CFAP99: variants seen among roughly 807,000 people sequenced by gnomAD.
The protein encoded by CFAP99 is cilia- and flagella-associated protein 99.
A neutral mutation model predicts 82.7 loss-of-function variants in CFAP99; 84 were observed. The observed-to-expected ratio is 1.02, with a 90% CI of 0.85 to 1.22. The LOEUF is 1.22. Among genes scored for constraint, CFAP99 ranks in the 50% most tolerant of loss-of-function variants. The pLI, the probability that CFAP99 is intolerant of heterozygous loss-of-function variation, is 0.00. For missense variants in CFAP99, 1,059 were observed against 983.5 expected (o/e 1.08, Z -1.03); for synonymous variants, 456 against 429.5 (o/e 1.06, Z -0.76).
chr4:2,442,936 C>T (rs1734079754), intron 4 of CFAP99, among the ~76,000 whole-genome samples, 194 bp from the exon 5 acceptor site: 1 of 68,448 alleles, frequency 1.5e-5, no homozygotes, highest in African/African-American at 6.0e-5. Flanking sequence ...TGCTGGGGGC[C>T]TTGGGGGGAG....
chr4:2,436,832 C>T, intron 2 of CFAP99, 42 bp from the exon 3 acceptor site: 1 of 1,523,334 alleles, frequency 6.6e-7, no homozygotes, highest in Non-Finnish European at 8.8e-7. Context: ...GCCCTTTCCT[C>T]CCGGCCCAGC....
chr4:2,432,241 AACAGTATAAGG>A (rs1160977443), intron 2 of CFAP99, among the ~76,000 whole-genome samples: 1 of 152,204 alleles, frequency 6.6e-6, no homozygotes, highest in Non-Finnish European at 1.5e-5. Flanking sequence ...GAGAAAGGCA[AACAGTATAAGG>A]CATGTGCCAG....
rs1361279753 is a variant in CFAP99 at position 2,462,589 on chromosome 4, C to G, written c.1808C>G (p.Ala603Gly). The G allele has an allele frequency of 7.0e-7, 1 of 1,426,178 alleles. No homozygotes were observed. The highest frequency in any genetic ancestry group is 1.5e-5 in the African/African-American group (1 of 66,992). 88.3% of individuals were successfully genotyped at this position (1,426,178 alleles called of 1,614,324 possible). The change falls in exon 15 of 15, where the codon GCG becomes GGG. Residue 603 changes from alanine to glycine, a missense_variant. By Grantham distance (60) the Ala-to-Gly change is moderately conservative. Coordinates refer to ENST00000635017, the Ensembl canonical transcript of CFAP99. The surrounding 1 kb of genome is among the most constrained non-coding windows in gnomAD (Gnocchi z 4.1). ...CTGCACGTGTCGGCGCCGCGGACCG[C>G]GCGCCCCAAGCCCCGGGTGAGTCCG...
chr4:2,422,560 A>C (rs1052258613), intron 1 of CFAP99, among the ~76,000 whole-genome samples: 8 of 152,064 alleles, frequency 5.3e-5, no homozygotes, highest in African/African-American at 1.9e-4. Flanking sequence ...ACGGCAGGGA[A>C]ACTGTTCCAC....
In CFAP99 at chr4:2,462,515, G is replaced by A. The variant is rs1734645738; in HGVS notation, c.1734G>A (p.Arg578=). ...AGGACGAGCGCGTGCAGCAGCTGCGGCGCAGGATCTCGGAGAGGGCGGCCG... is the reference window on the plus strand; with the variant it reads ...AGGACGAGCGCGTGCAGCAGCTGCGACGCAGGATCTCGGAGAGGGCGGCCG... Residue 578 remains arginine, a synonymous_variant, in exon 15 of 15, where the codon CGG becomes CGA. Transcript: ENST00000635017. This position sits in a 1 kb window ranked among gnomAD's most constrained non-coding sequence, Gnocchi z 4.1. 1 of 1,477,742 alleles carries A rather than the reference G, an allele frequency of 6.8e-7. No homozygotes were observed. The allele number at this position is 1,477,742 out of a possible 1,614,324, so 91.5% of individuals were successfully genotyped here. A position where few individuals can be genotyped will look rare whatever the true frequency, so the allele number is the denominator to read the frequency against.
At chr4:2,457,551 G>C (rs1390265012) in intron 11 of CFAP99, among the ~76,000 whole-genome samples, 1 of 152,172 alleles carries the variant, frequency 6.6e-6, no homozygotes, top group Non-Finnish European at 1.5e-5. Flanking sequence ...CAGGACCGTG[G>C]GTCCAAGGTT....
intron 3 of CFAP99, among the ~76,000 whole-genome samples, 165 bp downstream of exon 3, chr4:2,437,183 C>T (rs558896573): frequency 9.8e-5 from 15 of 152,338 alleles, no homozygotes; most frequent in African/African-American, 1.7e-4. Context: ...CCTTACCAGG[C>T]GGACCAGGAC....
At chr4:2,438,332 A>C (rs531979825) in intron 4 of CFAP99, among the ~76,000 whole-genome samples, 168 bp downstream of exon 4, 1 of 152,134 alleles carries the variant, frequency 6.6e-6, no homozygotes, top group Non-Finnish European at 1.5e-5. Flanking sequence ...GCGCGATCTC[A>C]GCTCACTGCA....
At chr4:2,459,143 A>T (rs771668519) in exon 13 of CFAP99, 1 of 1,533,800 alleles carries the variant, frequency 6.5e-7, no homozygotes, top group Non-Finnish European at 8.7e-7. Flanking sequence ...GGGCTGCTGC[A>T]GCGCAGGGCG....
intron 4 of CFAP99, among the ~76,000 whole-genome samples, chr4:2,442,588 C>T (rs911545441): frequency 6.6e-6 from 1 of 152,148 alleles, no homozygotes; most frequent in Non-Finnish European, 1.5e-5. Flanking sequence ...ACTCCCTGCC[C>T]CCAAGACCAC....
At chr4:2,426,346 G>C in intron 1 of CFAP99, 113 bp from the exon 2 acceptor site, 2 of 690,718 alleles carry the variant, frequency 2.9e-6, no homozygotes, top group South Asian at 1.7e-5. Flanking sequence ...AGTCACATCC[G>C]GTCTTCCTGC....
At chr4:2,451,210 C>T in intron 9 of CFAP99, 54 bp from the exon 10 acceptor site, 1 of 1,524,712 alleles carries the variant, frequency 6.6e-7, no homozygotes, top group Non-Finnish European at 8.8e-7. Flanking sequence ...TGGGCATTTG[C>T]TGCTCCCAAG....
chr4:2,461,387 G>C (rs773496525), intron 14 of CFAP99, among the ~76,000 whole-genome samples: 1 of 152,324 alleles, frequency 6.6e-6, no homozygotes, highest in Non-Finnish European at 1.5e-5. Flanking sequence ...ACAGAAGGAA[G>C]GACTAATCAT....
intron 11 of CFAP99, among the ~76,000 whole-genome samples, chr4:2,454,594 G>GGTTTTTTTTTTTTT: frequency 1.2e-5 from 1 of 84,536 alleles, no homozygotes; most frequent in Non-Finnish European, 2.5e-5. Flanking sequence ...TTTTTTTTTT[G>GGTTTTTTTTTTTTT]TTTTTTTTTT....
intron 5 of CFAP99, among the ~76,000 whole-genome samples, chr4:2,443,547 G>A (rs1164496694): frequency 1.3e-5 from 2 of 152,206 alleles, no homozygotes; most frequent in African/African-American, 4.8e-5. Flanking sequence ...AGTGAATGGG[G>A]CAGAGCCGGC....
At chr4:2,444,394 T>C (rs1734116219) in intron 5 of CFAP99, among the ~76,000 whole-genome samples, 1 of 152,196 alleles carries the variant, frequency 6.6e-6, no homozygotes, top group Non-Finnish European at 1.5e-5. Context: ...CACTGGGGCC[T>C]GGCCCTGGCG....
At chr4:2,451,390 C>T (rs1734298440) in intron 10 of CFAP99, 38 bp downstream of exon 10, 3 of 1,526,050 alleles carry the variant, frequency 2.0e-6, no homozygotes, top group Non-Finnish European at 2.6e-6. Flanking sequence ...CCTTCCACGG[C>T]ATCACCCTTG....
At chr4:2,452,274 T>C (rs1734321958) in exon 11 of CFAP99, 6 of 1,535,764 alleles carry the variant, frequency 3.9e-6, no homozygotes, top group East Asian at 2.4e-5. Flanking sequence ...AGCTTAGCCA[T>C]GAGGAGGCCG....
intron 2 of CFAP99, among the ~76,000 whole-genome samples, chr4:2,433,583 C>T (rs1050080438): frequency 6.6e-6 from 1 of 152,206 alleles, no homozygotes; most frequent in African/African-American, 2.4e-5. Context: ...CCCACCGAGC[C>T]CCCTCTCCAT....
Sources: allele counts gnomAD v4.1 joint callset (sites outside exome capture counted in the v4.1 genomes callset), GRCh38; gene constraint gnomAD v4.1.1; non-coding constraint Gnocchi (gnomAD v3.1); transcripts MANE v1.5; gene names NCBI Gene and HGNC (gene_info 2026-07-23, HGNC 2026-07-21).